The following XXYLT1 variants were observed in gnomAD, a reference collection of about 807,000 sequenced individuals.
XXYLT1 encodes xyloside xylosyltransferase 1.
XXYLT1 carries 20 observed loss-of-function variants against 28.9 expected under a neutral mutation model. The observed-to-expected ratio is 0.69, with a 90% CI of 0.49 to 1.00. The LOEUF (loss-of-function observed/expected upper bound fraction) is 1.00. Ranked by LOEUF, XXYLT1 falls within the 50% of genes least tolerant of loss-of-function variation. The pLI, the probability that XXYLT1 is intolerant of heterozygous loss-of-function variation, is 0.00. For synonymous variants in XXYLT1, 257 were observed against 253.8 expected, an observed-to-expected ratio of 1.01 and a Z score of -0.12; for missense variants, 542 against 560.1, an observed-to-expected ratio of 0.97 and a Z score of 0.33.
intron 2 of XXYLT1, among the ~76,000 whole-genome samples, chr3:195,208,162 T>A (rs113537628): frequency 7.2e-5 from 11 of 152,202 alleles, no homozygotes; most frequent in Admixed American, 1.3e-4. Flanking sequence ...GCCCACCACA[T>A]ACCCCAACAG....
intron 2 of XXYLT1, among the ~76,000 whole-genome samples, chr3:195,205,352 C>T (rs112862971): frequency 1.3e-3 from 195 of 152,190 alleles, no homozygotes; most frequent in African/African-American, 2.1e-3. Context: ...ATTACTGACA[C>T]GCAACAACTG....
In XXYLT1 at chr3:195,076,418, C is replaced by T. The variant is rs1352591754; in HGVS notation, c.786-6307G>A. ...GTTTTGAATTATGTCACGCAGGGGC[C>T]TTCGGTGGGAGGAGGGACAGTCGTG... On this transcript the variant is annotated intron_variant, in intron 3 of 3. Coordinates refer to ENST00000310380, the MANE Select transcript of XXYLT1 (RefSeq NM_152531.5). The surrounding 1 kb of genome is among the most constrained non-coding windows in gnomAD (Gnocchi z 5.3). 2.0e-5 allele frequency among the ~76,000 whole-genome samples: 3 copies of T among 152,116 alleles called. No individual in the cohort carries two copies. Among genetic ancestry groups the T allele is most frequent in the Admixed American group, 2.0e-4 (3 of 15,280 alleles).
rs1392025529 is a variant in XXYLT1 at position 195,150,318 on chromosome 3, T to C, written c.785+6131A>G. Among the ~76,000 whole-genome samples, 3 of 152,166 alleles carry C rather than the reference T, an allele frequency of 2.0e-5. No individual in the cohort carries two copies. Among genetic ancestry groups the C allele is most frequent in the Non-Finnish European group, 1.5e-5 (1 of 68,022 alleles). ...CCAAGGTCACACAGCAACTGAGTGGTAGAGGTAGTCAGTCCACACCCTCCC... is the reference window on the plus strand; with the variant it reads ...CCAAGGTCACACAGCAACTGAGTGGCAGAGGTAGTCAGTCCACACCCTCCC... On this transcript the variant is annotated intron_variant, in intron 3 of 3. Transcript: ENST00000310380. The surrounding 1 kb of genome is among the most constrained non-coding windows in gnomAD (Gnocchi z 4.7).
intron 2 of XXYLT1, chr3:195,184,908 C>T: frequency 1.0e-5 from 8 of 786,658 alleles, no homozygotes; most frequent in Non-Finnish European, 1.2e-5. Flanking sequence ...ATCAATCATC[C>T]TTTCAGTTTC....
At chr3:195,117,748 C>T (rs1243844046) in intron 3 of XXYLT1, among the ~76,000 whole-genome samples, 2 of 152,178 alleles carry the variant, frequency 1.3e-5, no homozygotes, top group Non-Finnish European at 2.9e-5. Context: ...GAGCTCAGCT[C>T]TTGTGGGTAG....
At chr3:195,162,592 T>C (rs191823816) in intron 2 of XXYLT1, among the ~76,000 whole-genome samples, 58 of 152,332 alleles carry the variant, frequency 3.8e-4, no homozygotes, top group Admixed American at 1.6e-3. Flanking sequence ...TGGCATTGTT[T>C]ATAGCGCCCA....
At chr3:195,092,837 AAAAC>A (rs1468278101) in intron 3 of XXYLT1, among the ~76,000 whole-genome samples, 2 of 111,152 alleles carry the variant, frequency 1.8e-5, no homozygotes, top group Non-Finnish European at 3.4e-5. Flanking sequence ...TTACAAGAAA[AAAAC>A]AAACAACCCC....
At chr3:195,098,260 C>T (rs1365089590) in intron 3 of XXYLT1, among the ~76,000 whole-genome samples, 6 of 152,176 alleles carry the variant, frequency 3.9e-5, no homozygotes, top group Admixed American at 2.0e-4. Context: ...CACTTCAAAA[C>T]GGTTAAAATG....
At chr3:195,100,569 T>G (rs548509906) in intron 3 of XXYLT1, among the ~76,000 whole-genome samples, 53 of 152,062 alleles carry the variant, frequency 3.5e-4, no homozygotes, top group Non-Finnish European at 6.5e-4. Context: ...CCTGCCAGCC[T>G]CCTCCTCCTC....
intron 3 of XXYLT1, among the ~76,000 whole-genome samples, chr3:195,098,434 T>C (rs1716577006): frequency 6.6e-6 from 1 of 152,166 alleles, no homozygotes; most frequent in Non-Finnish European, 1.5e-5. Context: ...GCGCCTGTAG[T>C]CCCAGCTACT....
chr3:195,112,643 AC>A (rs1717825765), intron 3 of XXYLT1, among the ~76,000 whole-genome samples: 1 of 148,128 alleles, frequency 6.8e-6, no homozygotes, highest in Admixed American at 6.8e-5. Context: ...CCCCATGCAC[AC>A]ACGCAGCTCC....
chr3:195,233,256 G>C (rs1261521769), intron 1 of XXYLT1, among the ~76,000 whole-genome samples: 2 of 151,962 alleles, frequency 1.3e-5, no homozygotes, highest in Non-Finnish European at 2.9e-5. Flanking sequence ...GTCTATGTGT[G>C]TTTTTATAAA....
rs576753153 is a variant in XXYLT1, at chr3:195,087,792, T to C, written c.786-17681A>G. ...GTACCGGGTTCATCTCACTAGGGAG[T>C]GCCAGACAGTGGGCGCAGGTCAGTG... On this transcript the variant is annotated intron_variant, in intron 3 of 3. Coordinates refer to ENST00000310380, the MANE Select transcript of XXYLT1 (RefSeq NM_152531.5). Among the ~76,000 whole-genome samples the C allele has an allele frequency of 3.2e-3, 490 of 151,800 alleles. 4 individuals carry two copies. Among genetic ancestry groups the C allele is most frequent in the African/African-American group, 0.011 (466 of 41,306 alleles).
chr3:195,079,405 C>T (rs1715302885), intron 3 of XXYLT1, among the ~76,000 whole-genome samples: 1 of 152,138 alleles, frequency 6.6e-6, no homozygotes. Flanking sequence ...GAGAGAAAGA[C>T]AGACTGAAGA....
rs1314629311 is a variant in XXYLT1, at chr3:195,076,530, C to T, written c.786-6419G>A. On this transcript the variant is annotated intron_variant, in intron 3 of 3. Coordinates refer to ENST00000310380, the MANE Select transcript of XXYLT1 (RefSeq NM_152531.5). This position sits in a 1 kb window ranked among gnomAD's most constrained non-coding sequence, Gnocchi z 5.3. Reference sequence around the variant, plus strand: ...CCTGCACAGTGGGCCTCATTTTTACCTAAAGACCACTGGGCTCTGTTAGTT... The same window carrying T: ...CCTGCACAGTGGGCCTCATTTTTACTTAAAGACCACTGGGCTCTGTTAGTT... Among the ~76,000 whole-genome samples the T allele has an allele frequency of 6.6e-6, 1 of 152,136 alleles. No homozygotes were observed. The highest frequency in any genetic ancestry group is 1.5e-5 in the Non-Finnish European group (1 of 68,024).
At chr3:195,140,593 G>A (rs112177815) in intron 3 of XXYLT1, among the ~76,000 whole-genome samples, 3,653 of 152,292 alleles carry the variant, frequency 0.024, 60 homozygotes, top group Middle Eastern at 0.048. Flanking sequence ...CATGGTGGAA[G>A]GTGTAGGGGA....
chr3:195,072,431 C>T (rs2108636357), intron 3 of XXYLT1, among the ~76,000 whole-genome samples: 1 of 152,252 alleles, frequency 6.6e-6, no homozygotes, highest in African/African-American at 2.4e-5. Context: ...GTGTCTGCAG[C>T]AAGGAGGAGC....
chr3:195,131,422 C>CA (rs1261058238), intron 3 of XXYLT1, among the ~76,000 whole-genome samples: 1 of 152,270 alleles, frequency 6.6e-6, no homozygotes, highest in Non-Finnish European at 1.5e-5. Flanking sequence ...GCAAGCCTGA[C>CA]ATATAGCCTT....
intron 2 of XXYLT1, among the ~76,000 whole-genome samples, chr3:195,219,238 C>T (rs946932353): frequency 5.9e-5 from 9 of 151,732 alleles, no homozygotes; most frequent in Non-Finnish European, 8.8e-5. Context: ...GTGGGTGCAG[C>T]GCACCAGCAT....
Sources: gnomAD v4.1 joint callset for allele counts (sites outside exome capture counted in the v4.1 genomes callset) on GRCh38, gnomAD v4.1.1 for gene constraint, Gnocchi (gnomAD v3.1) non-coding constraint, MANE v1.5 for transcripts, NCBI Gene and HGNC (gene_info 2026-07-23, HGNC 2026-07-21) for gene names.